Variants in SLC35F4 observed in about 807,000 individuals in gnomAD.
SLC35F4 encodes solute carrier family 35 member F4.
SLC35F4 carries 24 observed loss-of-function variants against 44.2 expected under a neutral mutation model. The observed-to-expected ratio is 0.54, with a 90% CI of 0.39 to 0.76. The LOEUF (loss-of-function observed/expected upper bound fraction) is 0.76. SLC35F4 is among the 30% of genes least tolerant of loss of function. SLC35F4 has a pLI of 0.00. For missense variants in SLC35F4, 562 were observed against 586.1 expected (o/e 0.96, Z 0.42); for synonymous variants, 238 against 223.6 (o/e 1.06, Z -0.57).
chr14:57,642,742 A>T lies in SLC35F4; in HGVS notation c.104-48618T>A, dbSNP rs183364907. 3.5e-3 allele frequency among the ~76,000 whole-genome samples: 536 copies of T among 152,068 alleles called. 1 individual carries two copies. Among genetic ancestry groups the T allele is most frequent in the Middle Eastern group, 6.9e-3 (2 of 288 alleles). ...TTAATGTTGAAAAAGCATTCTTTTA[A>T]ATTATAGCAAATTATAAAGTATTTA... On this transcript the variant is annotated intron_variant, in intron 1 of 7. Transcript: ENST00000556826.
At position 57,622,503 on chromosome 14, in the gene SLC35F4, G is replaced by A. The variant is rs1179143439; in HGVS notation, c.104-28379C>T. On this transcript the variant is annotated intron_variant, in intron 1 of 7. Coordinates refer to ENST00000556826, the MANE Select transcript of SLC35F4 (RefSeq NM_001306087.2). Reference sequence around the variant, plus strand: ...ACTATGCAGCCATAAAAAATTATGAGTTCATGTCCTTTGTAGGGACATGGA... The same window carrying A: ...ACTATGCAGCCATAAAAAATTATGAATTCATGTCCTTTGTAGGGACATGGA... Among the ~76,000 whole-genome samples the A allele has an allele frequency of 3.1e-4, 47 of 149,712 alleles. 1 individual carries two copies. Among genetic ancestry groups the A allele is most frequent in the African/African-American group, 1.1e-3 (46 of 40,658 alleles).
chr14:57,580,883 A>C (rs17093361), intron 4 of SLC35F4: 2,272 of 192,512 alleles, frequency 0.012, 61 homozygotes, highest in African/African-American at 0.05. Context: ...TATAGTGGCT[A>C]ATTTTCTCAG....
chr14:57,894,786 A>T (rs1888838862), intron 1 of SLC35F4, among the ~76,000 whole-genome samples: 2 of 152,160 alleles, frequency 1.3e-5, no homozygotes, highest in Admixed American at 1.3e-4. Flanking sequence ...TGCACTTGGT[A>T]AACTTAATGC....
intron 4 of SLC35F4, chr14:57,579,624 A>T (rs1377402329): frequency 6.6e-6 from 1 of 152,212 alleles, no homozygotes; most frequent in Non-Finnish European, 1.5e-5. Context: ...CCAGGTTCTT[A>T]TGGGTGGTCC....
At position 57,589,374 on chromosome 14, in the gene SLC35F4, A is replaced by G. The variant is rs748031295; in HGVS notation, c.429T>C (p.Val143=). 14 of 1,613,874 alleles carry G rather than the reference A, an allele frequency of 8.7e-6. No individual in the cohort carries two copies. In the African/African-American group the frequency reaches 1.3e-4, roughly 15 times the overall value. The change falls in exon 3 of 8, where the codon GTT becomes GTC. Residue 143 remains valine (V), a synonymous_variant. Coordinates refer to ENST00000556826, the MANE Select transcript of SLC35F4 (RefSeq NM_001306087.2). ...LIILSVSSSW[V]GTTQIVKITY... ...TAATTTTTACAATCTGTGTAGTTCC[A>G]ACCCAAGATGATGATACTGACAAGA... is the stretch of plus-strand genomic sequence containing the variant.
chr14:57,610,137 A>G (rs936977260), intron 1 of SLC35F4, among the ~76,000 whole-genome samples: 2 of 152,234 alleles, frequency 1.3e-5, no homozygotes, highest in Non-Finnish European at 2.9e-5. Flanking sequence ...TCTATGTTCC[A>G]GACATTGAAC....
chr14:57,667,881 T>C (rs1159800435), intron 1 of SLC35F4, among the ~76,000 whole-genome samples: 2 of 142,920 alleles, frequency 1.4e-5, no homozygotes, highest in Admixed American at 7.0e-5. Flanking sequence ...ATGGTATTTC[T>C]AGTTCTAGAT....
chr14:57,917,810 T>C (rs536951535), intron 1 of SLC35F4, among the ~76,000 whole-genome samples: 4 of 152,302 alleles, frequency 2.6e-5, no homozygotes, highest in African/African-American at 4.8e-5. Flanking sequence ...TAGCACCAGA[T>C]AGTTTTTCAA....
intron 1 of SLC35F4, among the ~76,000 whole-genome samples, chr14:57,694,048 TA>T (rs1278418976): frequency 1.3e-5 from 2 of 152,204 alleles, no homozygotes; most frequent in Non-Finnish European, 2.9e-5. Flanking sequence ...TTTAGAAAAG[TA>T]AACGAACTGA....
rs542881922 is a variant in SLC35F4 at position 57,811,344 on chromosome 14, G to C, written c.103+54379C>G. 6.6e-5 allele frequency among the ~76,000 whole-genome samples: 10 copies of C among 152,182 alleles called. No homozygotes were observed. The South Asian group carries it at 2.1e-3, about 32-fold the overall frequency. On this transcript the variant is annotated intron_variant, in intron 1 of 7. Coordinates refer to ENST00000556826, the MANE Select transcript of SLC35F4 (RefSeq NM_001306087.2). ...AATCTTTCTGAGCCTCAATTGTCTC[G>C]GCTCTAGAATAAGCCAAGTAGGTAT...
chr14:57,581,660 G>GAGAT (rs757918904), intron 3 of SLC35F4, among the ~76,000 whole-genome samples: 12 of 152,262 alleles, frequency 7.9e-5, no homozygotes, highest in Non-Finnish European at 1.3e-4. Context: ...TCTCTTCTCT[G>GAGAT]AGATAGTCTC....
rs980430346 is a variant in SLC35F4, at chr14:57,690,715, G to T, written c.104-96591C>A. 2.0e-5 allele frequency among the ~76,000 whole-genome samples: 3 copies of T among 151,800 alleles called. No homozygotes were observed. In the South Asian group the frequency reaches 6.2e-4, roughly 32 times the overall value. ...TGCAACTAGATGGTCCCATCTGGGG[G>T]TAATGGGAGACACTGACAGATCAGT... On this transcript the variant is annotated intron_variant, in intron 1 of 7. Coordinates refer to ENST00000556826, the MANE Select transcript of SLC35F4 (RefSeq NM_001306087.2).
chr14:57,565,522 GGA>G (rs2068163003), intron 7 of SLC35F4, among the ~76,000 whole-genome samples: 2 of 152,118 alleles, frequency 1.3e-5, no homozygotes, highest in Non-Finnish European at 2.9e-5. Context: ...GCCTTATTCA[GGA>G]CCTGTCACTA....
At chr14:57,695,184 C>T (rs192360141) in intron 1 of SLC35F4, among the ~76,000 whole-genome samples, 6,169 of 152,218 alleles carry the variant, frequency 0.041, 203 homozygotes, top group Non-Finnish European at 0.057. Flanking sequence ...TCTAATTAAA[C>T]TAAAGAGCTT....
chr14:57,755,200 G>C (rs764631843), intron 1 of SLC35F4, among the ~76,000 whole-genome samples: 3 of 152,182 alleles, frequency 2.0e-5, no homozygotes, highest in African/African-American at 7.2e-5. Context: ...CACAGGGCTC[G>C]CTGTGTTGGC....
chr14:57,626,754 C>A (rs1165591756), intron 1 of SLC35F4, among the ~76,000 whole-genome samples: 2 of 152,060 alleles, frequency 1.3e-5, no homozygotes, highest in South Asian at 2.1e-4. Context: ...AATAGAGGTA[C>A]AATCAATCAT....
intron 7 of SLC35F4, 99 bp downstream of exon 7, chr14:57,566,376 A>T: frequency 1.8e-6 from 2 of 1,122,752 alleles, no homozygotes; most frequent in Non-Finnish European, 2.6e-6. Context: ...CAAGGAACAT[A>T]ATTCACAATT....
At chr14:57,655,941 A>T (rs1215999101) in intron 1 of SLC35F4, among the ~76,000 whole-genome samples, 1 of 152,122 alleles carries the variant, frequency 6.6e-6, no homozygotes, top group Non-Finnish European at 1.5e-5. Flanking sequence ...GTGATCGTCT[A>T]ATCTCATAAT....
chr14:57,825,186 C>T lies in SLC35F4; in HGVS notation c.103+40537G>A, dbSNP rs558097277. On this transcript the variant is annotated intron_variant, in intron 1 of 7. Coordinates refer to ENST00000556826, the MANE Select transcript of SLC35F4 (RefSeq NM_001306087.2). ...GGAAGGTGGGGCTGCCATTTACAGA[C>T]AAGGAGAAGACCATGAGAGCAGGAG... is the stretch of plus-strand genomic sequence containing the variant. Among the ~76,000 whole-genome samples, 3 of 152,150 alleles carry T rather than the reference C, an allele frequency of 2.0e-5. No homozygotes were observed. The South Asian group carries it at 6.2e-4, about 32-fold the overall frequency.
Sources: allele counts gnomAD v4.1 joint callset (sites outside exome capture counted in the v4.1 genomes callset), GRCh38; gene constraint gnomAD v4.1.1; transcripts MANE v1.5; gene names NCBI Gene and HGNC (gene_info 2026-07-23, HGNC 2026-07-21).